PAX3: variants seen among roughly 807,000 people sequenced by gnomAD.
PAX3 encodes the protein paired box 3.
A neutral mutation model predicts 51.6 loss-of-function variants in PAX3; 14 were observed. That is an observed-to-expected ratio of 0.27 (90% CI 0.18 to 0.42). The LOEUF (loss-of-function observed/expected upper bound fraction) is 0.42. Ranked by LOEUF, PAX3 falls within the 10% of genes least tolerant of loss-of-function variation. PAX3 has a pLI of 1.00. For synonymous variants in PAX3, 280 were observed against 253.4 expected (o/e 1.11, Z -1.00); for missense variants, 540 against 642.8 (o/e 0.84, Z 1.73).
At chr2:222,229,109 A>G (rs1692489158) in intron 5 of PAX3, among the ~76,000 whole-genome samples, 1 of 151,888 alleles carries the variant, frequency 6.6e-6, no homozygotes, top group Admixed American at 6.6e-5. Context: ...AGCAAAGTAG[A>G]TTTGAAACAT....
chr2:222,216,705 A>AACAC (rs71407982), intron 7 of PAX3, among the ~76,000 whole-genome samples: 252 of 149,974 alleles, frequency 1.7e-3, no homozygotes, highest in African/African-American at 6.1e-3. Context: ...CACATACACA[A>AACAC]ACACACACAC....
intron 4 of PAX3, among the ~76,000 whole-genome samples, chr2:222,242,024 G>A (rs970098705): frequency 3.3e-5 from 5 of 152,274 alleles, no homozygotes; most frequent in African/African-American, 1.2e-4. Context: ...CAAAAAATAA[G>A]CAGATTAAAG....
chr2:222,264,731 C>T (rs1693982715), intron 4 of PAX3: 1 of 152,148 alleles, frequency 6.6e-6, no homozygotes, highest in Non-Finnish European at 1.5e-5. Flanking sequence ...AAGGACTTTC[C>T]ACTTCAGTGC....
chr2:222,290,758 T>C (rs1029369744), intron 4 of PAX3, among the ~76,000 whole-genome samples: 2 of 151,818 alleles, frequency 1.3e-5, no homozygotes, highest in African/African-American at 4.8e-5. Flanking sequence ...AGGAAAAGCG[T>C]CACCCTGCTG....
chr2:222,275,197 C>G (rs1425104348), intron 4 of PAX3, among the ~76,000 whole-genome samples: 1 of 152,058 alleles, frequency 6.6e-6, no homozygotes, highest in Admixed American at 6.6e-5. Flanking sequence ...AATAGCAGGG[C>G]TTATTATTCT....
At chr2:222,233,152 C>G (rs1391976216) in intron 4 of PAX3, 2 of 143,368 alleles carry the variant, frequency 1.4e-5, no homozygotes, top group Admixed American at 7.0e-5. Flanking sequence ...TTCAAGAAGG[C>G]AACAACAGAT....
intron 7 of PAX3, among the ~76,000 whole-genome samples, chr2:222,203,487 T>A (rs1006821561): frequency 6.6e-5 from 10 of 151,890 alleles, no homozygotes; most frequent in African/African-American, 2.4e-4. Flanking sequence ...CCTACAGAGA[T>A]TAAAGTGTGC....
intron 4 of PAX3, among the ~76,000 whole-genome samples, chr2:222,281,104 C>T (rs1694631292): frequency 6.6e-6 from 1 of 152,212 alleles, no homozygotes; most frequent in Non-Finnish European, 1.5e-5. Flanking sequence ...GCACATCTAC[C>T]ACCTGGAAAG....
intron 4 of PAX3, among the ~76,000 whole-genome samples, chr2:222,281,447 C>T (rs16863649): frequency 0.12 from 17,767 of 152,278 alleles, 1,175 homozygotes; most frequent in East Asian, 0.25. Context: ...TGCTCTCTGA[C>T]ATTAAGCCTG....
At chr2:222,292,257 T>G (rs1476350933) in intron 4 of PAX3, among the ~76,000 whole-genome samples, 1 of 152,184 alleles carries the variant, frequency 6.6e-6, no homozygotes, top group East Asian at 1.9e-4. Flanking sequence ...CTCAGCCTTT[T>G]GTGGTGCTGT....
rs574473007 is a variant in PAX3 at position 222,256,643 on chromosome 2, A to G, written c.587-24360T>C. Among the ~76,000 whole-genome samples, 89 of 152,350 alleles carry G rather than the reference A, an allele frequency of 5.8e-4. 1 individual carries two copies. In the South Asian group the frequency reaches 0.018, roughly 30 times the overall value. On this transcript the variant is annotated intron_variant, in intron 4 of 8. Coordinates refer to ENST00000392070, the MANE Select transcript of PAX3 (RefSeq NM_181458.4). ...TCATTTTCTCATGAATGCAAAATTA[A>G]ATACTGTATATAACAGCATTTTTAA...
chr2:222,223,472 G>T (rs1692274966), intron 5 of PAX3, among the ~76,000 whole-genome samples: 1 of 152,160 alleles, frequency 6.6e-6, no homozygotes. Context: ...TGTTACCACG[G>T]CTCCCAAAGG....
rs1286181543 is a variant in PAX3 at position 222,205,680 on chromosome 2, C to T, written c.1174-3490G>A. 2.6e-5 allele frequency among the ~76,000 whole-genome samples: 4 copies of T among 152,052 alleles called. No homozygotes were observed. The East Asian group carries it at 7.7e-4, about 29-fold the overall frequency. ...ACTGAGAAAACTTGAGAAATATACA[C>T]CATTTTAAAAACCTACTGTTTTACA... On this transcript the variant is annotated intron_variant, in intron 7 of 8. Coordinates refer to ENST00000392070, the MANE Select transcript of PAX3 (RefSeq NM_181458.4).
intron 4 of PAX3, among the ~76,000 whole-genome samples, chr2:222,247,481 G>T (rs1693272435): frequency 6.6e-6 from 1 of 152,084 alleles, no homozygotes; most frequent in African/African-American, 2.4e-5. Context: ...TTAAATATCA[G>T]CAGAAAACTC....
At chr2:222,251,262 A>G (rs1485240137) in intron 4 of PAX3, among the ~76,000 whole-genome samples, 2 of 151,678 alleles carry the variant, frequency 1.3e-5, no homozygotes, top group Non-Finnish European at 2.9e-5. Flanking sequence ...CCCTCCCCCA[A>G]CCCCACAACA....
chr2:222,268,163 C>A (rs1321700941), intron 4 of PAX3, among the ~76,000 whole-genome samples: 1 of 152,174 alleles, frequency 6.6e-6, no homozygotes, highest in Non-Finnish European at 1.5e-5. Context: ...ATAATCTGAG[C>A]AGAGTCCTGG....
chr2:222,212,555 A>G (rs1691780914), intron 7 of PAX3, among the ~76,000 whole-genome samples: 1 of 152,206 alleles, frequency 6.6e-6, no homozygotes, highest in Non-Finnish European at 1.5e-5. Flanking sequence ...ATTATACTAT[A>G]CATTGAAAAA....
Position 222,232,198 on chromosome 2 carries a change from G to A in PAX3, c.672C>T (p.Thr224=), listed in dbSNP as rs748172726. The A allele has an allele frequency of 6.2e-7, 1 of 1,614,056 alleles. No individual in the cohort carries two copies. Among genetic ancestry groups the A allele is most frequent in the Non-Finnish European group, 8.5e-7 (1 of 1,179,956 alleles). The change falls in exon 5 of 9, where the codon ACC becomes ACT. Residue 224 remains threonine (T), a synonymous_variant. Transcript: ENST00000392070. ...PLKRKQRRSR[T]TFTAEQLEEL... ...CCTCCAGCTGTTCTGCTGTGAAGGT[G>A]GTTCGGCTTCTGCGCTGTTTCCTCT... is the stretch of plus-strand genomic sequence containing the variant.
Position 222,220,262 on chromosome 2 carries a change from T to G in PAX3, c.1051A>C (p.Ser351Arg). 4.3e-6 allele frequency: 7 copies of G among 1,614,064 alleles called. No individual in the cohort carries two copies. The highest frequency in any genetic ancestry group is 5.9e-6 in the Non-Finnish European group (7 of 1,179,974). The change falls in exon 7 of 9, where the codon AGC becomes CGC. Residue 351 changes from serine to arginine, a missense_variant. By Grantham distance (110) the Ser-to-Arg change is moderately radical (BLOSUM62 -1). Transcript: ENST00000392070. ...QSTIPSNPDS[S>R]SAYCLPSTRH... is the part of the protein sequence containing the mutation. ...GTGCTGGGGAGGCAGTAGGCAGAGC[T>G]GCTGTCTGGGTTGGAAGGAATCGTG... is the stretch of plus-strand genomic sequence containing the variant.
Sources: gnomAD v4.1 joint callset for allele counts (sites outside exome capture counted in the v4.1 genomes callset) on GRCh38, gnomAD v4.1.1 for gene constraint, MANE v1.5 for transcripts, NCBI Gene and HGNC (gene_info 2026-07-23, HGNC 2026-07-21) for gene names.